The following RNF111 variants were observed in gnomAD, a reference collection of about 807,000 sequenced individuals.
RNF111 encodes the protein ring finger protein 111, also known as E3 ubiquitin-protein ligase Arkadia.
RNF111 carries 17 observed loss-of-function variants against 95.1 expected under a neutral mutation model. That is an observed-to-expected ratio of 0.18 (90% confidence interval 0.12 to 0.27). The LOEUF (loss-of-function observed/expected upper bound fraction) is 0.27, where lower values mean the gene tolerates loss of function less well. RNF111 is among the 10% of genes least tolerant of loss of function. The pLI, the probability that RNF111 is intolerant of heterozygous loss-of-function variation, is 1.00. For synonymous variants in RNF111, 440 were observed against 414.8 expected (o/e 1.06, Z -0.74); for missense variants, 1,189 against 1,210.4 (o/e 0.98, Z 0.26).
At chr15:59,024,571 A>G (rs1464505520) in intron 1 of RNF111, among the ~76,000 whole-genome samples, 8 of 152,230 alleles carry the variant, frequency 5.3e-5, no homozygotes, top group Admixed American at 5.2e-4. Flanking sequence ...ATGCCAACAT[A>G]GGATTACATG....
chr15:58,991,222 G>T (rs1466113104), intron 1 of RNF111, among the ~76,000 whole-genome samples: 1 of 151,884 alleles, frequency 6.6e-6, no homozygotes, highest in African/African-American at 2.4e-5. Context: ...GCTTGAACCC[G>T]GGAGGTGGAG....
At chr15:59,063,956 T>C (rs973276565) in intron 5 of RNF111, among the ~76,000 whole-genome samples, 1 of 152,180 alleles carries the variant, frequency 6.6e-6, no homozygotes, top group African/African-American at 2.4e-5. Context: ...ATAAATGATA[T>C]TGACTTGTAT....
intron 1 of RNF111, among the ~76,000 whole-genome samples, chr15:59,025,800 G>A (rs955067482): frequency 2.6e-5 from 4 of 151,184 alleles, no homozygotes; most frequent in Admixed American, 6.6e-5. Context: ...GCGCGATCTC[G>A]GCTCACCGCA....
intron 1 of RNF111, among the ~76,000 whole-genome samples, chr15:59,000,150 ATTTTTTTTTTCCC>A: frequency 7.3e-6 from 1 of 136,808 alleles, no homozygotes; most frequent in South Asian, 2.3e-4. Flanking sequence ...TCTTCCAGTG[ATTTTTTTTTTCCC>A]TTTTTTTTTT....
At chr15:59,015,359 T>C (rs1367495895) in intron 1 of RNF111, among the ~76,000 whole-genome samples, 2 of 152,306 alleles carry the variant, frequency 1.3e-5, no homozygotes, top group Non-Finnish European at 2.9e-5. Flanking sequence ...AATTCACATA[T>C]AGTTTTACAA....
chr15:59,021,779 A>T (rs1437204898), intron 1 of RNF111, among the ~76,000 whole-genome samples: 2 of 152,284 alleles, frequency 1.3e-5, no homozygotes, highest in African/African-American at 4.8e-5. Flanking sequence ...TATTCATTGA[A>T]TATTTCATTT....
intron 2 of RNF111, among the ~76,000 whole-genome samples, chr15:59,051,186 G>A (rs2041962391): frequency 6.6e-6 from 1 of 152,214 alleles, no homozygotes; most frequent in Non-Finnish European, 1.5e-5. Context: ...TGGTGCGGTG[G>A]CTCACGCCTG....
At chr15:59,067,341 C>A (rs2042709243) in intron 6 of RNF111, among the ~76,000 whole-genome samples, 1 of 151,100 alleles carries the variant, frequency 6.6e-6, no homozygotes, top group Admixed American at 6.6e-5. Flanking sequence ...TTCCTTCCCT[C>A]TCCTTTCTCC....
chr15:59,054,783 C>T (rs1243976098), intron 3 of RNF111, among the ~76,000 whole-genome samples: 2 of 152,102 alleles, frequency 1.3e-5, no homozygotes, highest in Non-Finnish European at 2.9e-5. Flanking sequence ...AAGCACCCAC[C>T]CCCAATGACC....
intron 1 of RNF111, among the ~76,000 whole-genome samples, chr15:59,013,439 A>G (rs1401817652): frequency 6.6e-6 from 1 of 152,146 alleles, no homozygotes; most frequent in Non-Finnish European, 1.5e-5. Context: ...CCTGTCAAAT[A>G]TTTTATAGAC....
intron 2 of RNF111, among the ~76,000 whole-genome samples, chr15:59,038,826 C>T (rs1470028190): frequency 6.6e-5 from 10 of 152,166 alleles, no homozygotes; most frequent in African/African-American, 2.4e-4. Context: ...TCTGTTGCGT[C>T]ACAAATTGAG....
rs759371658 is a variant in RNF111, at chr15:59,076,148, G to A, written c.1881G>A (p.Ala627=). Reference sequence around the variant, plus strand: ...ATGGCTATGGATCAAGCATGGTTGCGCAGCCCCAGCCCCAGCCCCCTCCAC... The same window carrying A: ...ATGGCTATGGATCAAGCATGGTTGCACAGCCCCAGCCCCAGCCCCCTCCAC... ...SIDGYGSSMV[A]QPQPQPPPQP... Residue 627 remains alanine (A), a synonymous_variant, in exon 7 of 14, where the codon GCG becomes GCA. Coordinates refer to ENST00000348370, the MANE Select transcript of RNF111 (RefSeq NM_017610.8). 1.4e-5 allele frequency: 23 copies of A among 1,613,718 alleles called. No homozygotes were observed. Among genetic ancestry groups the A allele is most frequent in the Middle Eastern group, 1.6e-4 (1 of 6,080 alleles).
At chr15:59,093,341 T>TC in intron 13 of RNF111, 10 of 339,848 alleles carry the variant, frequency 2.9e-5, no homozygotes, top group South Asian at 2.1e-4. Flanking sequence ...CAGCATCTTT[T>TC]TTTTTTTTTT....
intron 1 of RNF111, among the ~76,000 whole-genome samples, chr15:58,990,903 C>G (rs1167682368): frequency 6.6e-6 from 1 of 152,084 alleles, no homozygotes; most frequent in Non-Finnish European, 1.5e-5. Context: ...TGTTTCTTTC[C>G]TACATCCTAC....
Position 59,056,182 on chromosome 15 carries a change from T to C in RNF111, c.1171+337T>C, listed in dbSNP as rs185906803. ...AAGTAGAAGCAGTACTTTTTAAATATAAACACAAAAGCAGTATAACTGAAT... is the reference window on the plus strand; with the variant it reads ...AAGTAGAAGCAGTACTTTTTAAATACAAACACAAAAGCAGTATAACTGAAT... On this transcript the variant is annotated intron_variant, in intron 4 of 13. Coordinates refer to ENST00000348370, the MANE Select transcript of RNF111 (RefSeq NM_017610.8). Among the ~76,000 whole-genome samples the C allele has an allele frequency of 3.9e-3, 589 of 152,334 alleles. 1 individual carries two copies. Among genetic ancestry groups the C allele is most frequent in the Non-Finnish European group, 6.9e-3 (469 of 68,024 alleles).
At chr15:59,005,004 G>A (rs544470423) in intron 1 of RNF111, among the ~76,000 whole-genome samples, 1 of 152,288 alleles carries the variant, frequency 6.6e-6, no homozygotes, top group South Asian at 2.1e-4. Flanking sequence ...GTGAGCAGAA[G>A]GGCAAGCATA....
intron 1 of RNF111, among the ~76,000 whole-genome samples, chr15:58,998,308 T>A (rs2039174471): frequency 1.3e-5 from 2 of 152,024 alleles, no homozygotes; most frequent in Admixed American, 6.6e-5. Context: ...TAGGTAAACT[T>A]GTGTCATAGA....
At chr15:59,046,901 T>C (rs2041738184) in intron 2 of RNF111, among the ~76,000 whole-genome samples, 1 of 152,182 alleles carries the variant, frequency 6.6e-6, no homozygotes, top group Non-Finnish European at 1.5e-5. Context: ...AGGGTCTCAC[T>C]CTGTTGTCCA....
intron 1 of RNF111, among the ~76,000 whole-genome samples, chr15:58,991,143 A>G (rs750166152): frequency 2.0e-4 from 30 of 152,076 alleles, no homozygotes; most frequent in Non-Finnish European, 3.7e-4. Context: ...AAAAAAATAC[A>G]AAAATTAGCT....
Sources: allele counts gnomAD v4.1 joint callset (sites outside exome capture counted in the v4.1 genomes callset), GRCh38; gene constraint gnomAD v4.1.1; transcripts MANE v1.5; gene names NCBI Gene and HGNC (gene_info 2026-07-23, HGNC 2026-07-21).